Variants in RARB observed in about 807,000 individuals in gnomAD.
The protein encoded by RARB is HBV-activated protein.
RARB carries 17 observed loss-of-function variants against 51.9 expected under a neutral mutation model. The ratio of observed to expected loss-of-function variants is 0.33; its 90% confidence interval spans 0.22 to 0.49. The LOEUF is 0.49. Ranked by LOEUF, RARB falls within the 20% of genes least tolerant of loss-of-function variation. The probability of loss-of-function intolerance (pLI) is 0.99; values close to 1 mark genes in which losing one functional copy is unlikely to be tolerated. For missense variants in RARB, 369 were observed against 550.8 expected (o/e 0.67, Z 3.30); for synonymous variants, 215 against 195.4 (o/e 1.10, Z -0.84).
intron 3 of RARB, among the ~76,000 whole-genome samples, chr3:25,568,559 C>T (rs1368245888): frequency 6.6e-6 from 1 of 152,134 alleles, no homozygotes; most frequent in Non-Finnish European, 1.5e-5. Context: ...TTCCTCTCTC[C>T]TCCTGCTATT....
intron 5 of RARB, among the ~76,000 whole-genome samples, chr3:25,371,205 A>T (rs962702336): frequency 6.6e-6 from 1 of 152,128 alleles, no homozygotes; most frequent in African/African-American, 2.4e-5. Context: ...CGCTCATGAG[A>T]GCTGTGCCCT....
chr3:25,371,491 T>C (rs113130524), intron 5 of RARB, among the ~76,000 whole-genome samples: 2 of 152,244 alleles, frequency 1.3e-5, no homozygotes, highest in African/African-American at 2.4e-5. Flanking sequence ...GAGCAAAATA[T>C]CTTTCATGGT....
intron 4 of RARB, among the ~76,000 whole-genome samples, chr3:25,148,312 A>G (rs1350540283): frequency 6.6e-6 from 1 of 152,236 alleles, no homozygotes; most frequent in Non-Finnish European, 1.5e-5. Context: ...GATGGCAGAC[A>G]TTTTTAAAGA....
chr3:25,304,478 T>G (rs1704112010), intron 5 of RARB, among the ~76,000 whole-genome samples: 1 of 152,218 alleles, frequency 6.6e-6, no homozygotes, highest in South Asian at 2.1e-4. Context: ...TGTCTCTATC[T>G]TCACTCTTTC....
At chr3:25,326,446 C>T (rs1704719132) in intron 5 of RARB, among the ~76,000 whole-genome samples, 1 of 152,182 alleles carries the variant, frequency 6.6e-6, no homozygotes, top group African/African-American at 2.4e-5. Flanking sequence ...TTTATTAAGA[C>T]AATTGTCTAA....
chr3:25,478,134 A>G (rs1696050521), intron 2 of RARB, among the ~76,000 whole-genome samples: 1 of 152,148 alleles, frequency 6.6e-6, no homozygotes, highest in Non-Finnish European at 1.5e-5. Flanking sequence ...TAGGAGCCAC[A>G]TGGCCTTTTA....
At chr3:25,490,003 C>T (rs1696649917) in intron 2 of RARB, among the ~76,000 whole-genome samples, 1 of 152,214 alleles carries the variant, frequency 6.6e-6, no homozygotes, top group Non-Finnish European at 1.5e-5. Context: ...TCTCAATAAA[C>T]TTAGTGAGAT....
In RARB at chr3:25,341,763, G is replaced by A. The variant is rs148922239; in HGVS notation, c.179-119430G>A. 6.0e-3 allele frequency among the ~76,000 whole-genome samples: 909 copies of A among 152,246 alleles called. 6 individuals carry two copies. The highest frequency in any genetic ancestry group is 0.011 in the Non-Finnish European group (742 of 68,022). On this transcript the variant is annotated intron_variant, in intron 5 of 11. Coordinates refer to the RARB transcript ENST00000383772. ...GATGCCACTAAACCTCCCACTATGAGCAAAACAGCCCCCCATAACAAAGAA... is the reference window on the plus strand; with the variant it reads ...GATGCCACTAAACCTCCCACTATGAACAAAACAGCCCCCCATAACAAAGAA...
chr3:25,188,812 T>G (rs971280395), intron 5 of RARB, among the ~76,000 whole-genome samples: 1 of 152,144 alleles, frequency 6.6e-6, no homozygotes. Flanking sequence ...ATGTTTTATT[T>G]GGAAAAAGAA....
rs566566095 is a variant in RARB, at chr3:25,216,317, C to G, written c.178+41742C>G. The stretch of plus-strand genomic sequence containing the variant: ...TCAGCCAAATGTATATCCATAAACA[C>G]TAAATGTTGCCTGCTTTAAAAAAAT... On this transcript the variant is annotated intron_variant, in intron 5 of 11. Transcript: ENST00000383772. Among the ~76,000 whole-genome samples, 15 of 152,140 alleles carry G rather than the reference C, an allele frequency of 9.9e-5. No homozygotes were observed. In the South Asian group the frequency reaches 1.2e-3, roughly 13 times the overall value.
At chr3:25,295,700 T>G (rs543629452) in intron 5 of RARB, among the ~76,000 whole-genome samples, 1 of 152,338 alleles carries the variant, frequency 6.6e-6, no homozygotes, top group Admixed American at 6.5e-5. Context: ...GATATGTCAG[T>G]GGCCCACTTT....
intron 5 of RARB, among the ~76,000 whole-genome samples, chr3:25,226,185 C>T (rs1034288965): frequency 1.4e-4 from 22 of 152,166 alleles, no homozygotes; most frequent in African/African-American, 3.9e-4. Context: ...CTTGAATAAT[C>T]AGTTGAGTTA....
chr3:25,595,126 A>G (rs1372690292), intron 7 of RARB, among the ~76,000 whole-genome samples: 1 of 152,224 alleles, frequency 6.6e-6, no homozygotes, highest in Non-Finnish European at 1.5e-5. Context: ...ACTTCTAAGC[A>G]AAGGAATTCT....
intron 2 of RARB, among the ~76,000 whole-genome samples, chr3:24,948,871 G>C (rs1057504428): frequency 6.6e-6 from 1 of 152,114 alleles, no homozygotes; most frequent in Non-Finnish European, 1.5e-5. Context: ...AAGCATCCTG[G>C]GGCCCTCACC....
At chr3:25,072,730 A>G (rs532464843) in intron 3 of RARB, among the ~76,000 whole-genome samples, 3 of 151,398 alleles carry the variant, frequency 2.0e-5, no homozygotes, top group African/African-American at 7.3e-5. Flanking sequence ...TTTTTTTGAG[A>G]TAGAGTCTCG....
intron 2 of RARB, among the ~76,000 whole-genome samples, chr3:24,900,607 A>T (rs1559388248): frequency 6.6e-6 from 1 of 152,208 alleles, no homozygotes; most frequent in Non-Finnish European, 1.5e-5. Flanking sequence ...TTGCTTAATA[A>T]TTATCTAATT....
At position 25,584,138 on chromosome 3, in the gene RARB, C is replaced by G. The variant is rs143028653; in HGVS notation, c.786+3416C>G. ...AGACTTCGGTTTCTCTGCCTCTTCT[C>G]TCCCTCCACCCCTCTTCCCTCCCTC... On this transcript the variant is annotated intron_variant, in intron 5 of 7. Coordinates refer to ENST00000330688, the MANE Select transcript of RARB (RefSeq NM_000965.5). Among the ~76,000 whole-genome samples the G allele has an allele frequency of 3.7e-3, 558 of 152,314 alleles. 8 individuals carry two copies. The highest frequency in any genetic ancestry group is 0.015 in the East Asian group (80 of 5,182).
intron 2 of RARB, among the ~76,000 whole-genome samples, chr3:25,490,948 T>C (rs1696704015): frequency 6.6e-6 from 1 of 152,150 alleles, no homozygotes; most frequent in South Asian, 2.1e-4. Context: ...CGTTTCCCCT[T>C]GTCATACAGT....
At chr3:25,484,665 A>G (rs1232283482) in intron 2 of RARB, among the ~76,000 whole-genome samples, 1 of 151,966 alleles carries the variant, frequency 6.6e-6, no homozygotes, top group East Asian at 1.9e-4. Flanking sequence ...CAATCCATTC[A>G]TTTCTGTATT....
Sources: gnomAD v4.1 joint callset for allele counts (sites outside exome capture counted in the v4.1 genomes callset) on GRCh38, gnomAD v4.1.1 for gene constraint, MANE v1.5 for transcripts, NCBI Gene and HGNC (gene_info 2026-07-23, HGNC 2026-07-21) for gene names.